Variants in PGRMC2 observed in about 807,000 individuals in gnomAD.
PGRMC2 encodes the protein membrane-associated progesterone receptor component 2.
A neutral mutation model predicts 19.3 loss-of-function variants in PGRMC2; 9 were observed. The ratio of observed to expected loss-of-function variants is 0.47; its 90% CI spans 0.28 to 0.81. PGRMC2 has a LOEUF of 0.81. Ranked by LOEUF, PGRMC2 falls within the 40% of genes least tolerant of loss-of-function variation. The pLI, the probability that PGRMC2 is intolerant of heterozygous loss-of-function variation, is 0.11. For missense variants in PGRMC2, 289 were observed against 297.3 expected (o/e 0.97, Z 0.21); for synonymous variants, 157 against 124.6 (o/e 1.26, Z -1.73).
rs747302016 is a variant in PGRMC2, at chr4:128,280,352, G to GAAAAAAAAAAAAAAAAAAAAA, written c.418+7020_418+7021insTTTTTTTTTTTTTTTTTTTTT. On this transcript the variant is annotated intron_variant, in intron 1 of 2. Coordinates refer to ENST00000296425, the MANE Select transcript of PGRMC2 (RefSeq NM_006320.6). ...GCAATAAGTAACAGCAAATTTTCTGGGAAAAAAAAAAAAAAAAAAAAAAGG... is the reference window on the plus strand; with the variant it reads ...GCAATAAGTAACAGCAAATTTTCTGGAAAAAAAAAAAAAAAAAAAAAGAAAAAAAAAAAAAAAAAAAAAAGG... Among the ~76,000 whole-genome samples, 2 of 60,538 alleles carry GAAAAAAAAAAAAAAAAAAAAA rather than the reference G, an allele frequency of 3.3e-5. 1 individual carries two copies. The highest frequency in any genetic ancestry group is 5.9e-5 in the Non-Finnish European group (2 of 33,678). 39.7% of individuals were successfully genotyped at this position (60,538 alleles called of 152,430 possible).
intron 1 of PGRMC2, among the ~76,000 whole-genome samples, chr4:128,273,971 T>C (rs1760769255): frequency 6.6e-6 from 1 of 152,238 alleles, no homozygotes; most frequent in South Asian, 2.1e-4. Flanking sequence ...ATTTGTATTC[T>C]GCTTTTCTTA....
chr4:128,287,540 G>A lies in PGRMC2; in HGVS notation c.251C>T (p.Ala84Val). The A allele has an allele frequency of 6.5e-7, 1 of 1,544,488 alleles. No homozygotes were observed. Among genetic ancestry groups the A allele is most frequent in the Non-Finnish European group, 8.7e-7 (1 of 1,143,452 alleles). ...RWGRRGLGAGAGAGEESPATS... is the reference protein window; with the variant it reads ...RWGRRGLGAGVGAGEESPATS... ...GGCGGGGCTCTCCTCGCCCGCCCCG[G>A]CCCCGGCCCCCAGACCCCGCCGCCC... is the stretch of plus-strand genomic sequence containing the variant. Residue 84 changes from alanine to valine, a missense_variant, in exon 1 of 3, where the codon GCC (alanine) becomes GTC (valine). Coordinates refer to ENST00000296425, the MANE Select transcript of PGRMC2 (RefSeq NM_006320.6).
intron 1 of PGRMC2, among the ~76,000 whole-genome samples, chr4:128,275,263 T>C (rs1473707802): frequency 6.6e-6 from 1 of 152,096 alleles, no homozygotes; most frequent in African/African-American, 2.4e-5. Flanking sequence ...GTATAAGCCA[T>C]AAAACACATT....
chr4:128,285,574 T>C (rs1432345828), intron 1 of PGRMC2, among the ~76,000 whole-genome samples: 1 of 152,244 alleles, frequency 6.6e-6, no homozygotes, highest in Admixed American at 6.5e-5. Context: ...AATACTTTGT[T>C]TTCTTCAGTG....
intron 1 of PGRMC2, among the ~76,000 whole-genome samples, chr4:128,277,403 A>G (rs1009871968): frequency 6.6e-6 from 1 of 152,240 alleles, no homozygotes; most frequent in African/African-American, 2.4e-5. Context: ...TGTTTTAAAT[A>G]TTAATTTAAT....
chr4:128,282,973 A>G (rs1187034932), intron 1 of PGRMC2, among the ~76,000 whole-genome samples: 1 of 152,188 alleles, frequency 6.6e-6, no homozygotes, highest in African/African-American at 2.4e-5. Context: ...AGTTGGAAAA[A>G]ATATAGCTTT....
chr4:128,285,805 G>A (rs1223756401), intron 1 of PGRMC2, among the ~76,000 whole-genome samples: 2 of 152,090 alleles, frequency 1.3e-5, no homozygotes, highest in Non-Finnish European at 2.9e-5. Context: ...CTTGTCCCAC[G>A]TGTGCTTAAG....
chr4:128,278,063 C>G (rs1760838601), intron 1 of PGRMC2, among the ~76,000 whole-genome samples: 1 of 152,112 alleles, frequency 6.6e-6, no homozygotes, highest in Non-Finnish European at 1.5e-5. Context: ...GCCTTAACTC[C>G]AGGGTGCATG....
At chr4:128,274,798 A>G (rs1760784168) in intron 1 of PGRMC2, among the ~76,000 whole-genome samples, 1 of 152,246 alleles carries the variant, frequency 6.6e-6, no homozygotes, top group African/African-American at 2.4e-5. Flanking sequence ...TAAAACTAAT[A>G]AAGGCCATAA....
chr4:128,280,765 T>C (rs1760897189), intron 1 of PGRMC2, among the ~76,000 whole-genome samples: 1 of 152,086 alleles, frequency 6.6e-6, no homozygotes, highest in African/African-American at 2.4e-5. Flanking sequence ...GCCTAGCTAA[T>C]TTTTTATATT....
chr4:128,274,233 G>T (rs978199512), intron 1 of PGRMC2, among the ~76,000 whole-genome samples: 3 of 152,078 alleles, frequency 2.0e-5, no homozygotes, highest in Non-Finnish European at 4.4e-5. Context: ...ATTCAAAAGG[G>T]TATTAACCAG....
intron 1 of PGRMC2, among the ~76,000 whole-genome samples, chr4:128,285,092 T>C (rs1162610510): frequency 6.6e-6 from 1 of 152,108 alleles, no homozygotes; most frequent in Non-Finnish European, 1.5e-5. Flanking sequence ...TCAGTGCACA[T>C]ACCATAAAAA....
At chr4:128,281,652 A>G (rs563714559) in intron 1 of PGRMC2, among the ~76,000 whole-genome samples, 1 of 152,336 alleles carries the variant, frequency 6.6e-6, no homozygotes, top group South Asian at 2.1e-4. Flanking sequence ...CATAGTGCTA[A>G]TATTAAATGA....
intron 1 of PGRMC2, among the ~76,000 whole-genome samples, chr4:128,283,043 C>T (rs1347948118): frequency 6.6e-6 from 1 of 152,138 alleles, no homozygotes; most frequent in African/African-American, 2.4e-5. Context: ...CAAGGTTCAA[C>T]AACGCAAAAT....
intron 1 of PGRMC2, among the ~76,000 whole-genome samples, chr4:128,275,469 G>A (rs776662281): frequency 3.3e-5 from 5 of 152,100 alleles, no homozygotes; most frequent in Admixed American, 6.5e-5. Flanking sequence ...GGTACTGGGG[G>A]TAGGGAATGA....
At chr4:128,285,152 GTCTC>G (rs1452344233) in intron 1 of PGRMC2, among the ~76,000 whole-genome samples, 2 of 151,962 alleles carry the variant, frequency 1.3e-5, no homozygotes, top group African/African-American at 4.8e-5. Flanking sequence ...TTTATACCGA[GTCTC>G]TCTCTGTCGC....
Position 128,269,402 on chromosome 4 carries a change from ATAGAT to A in PGRMC2, c.*1909_*1913del, listed in dbSNP as rs1244213816. 6.6e-6 allele frequency: 1 copy of A among 152,190 alleles called. No homozygotes were observed. The highest frequency in any genetic ancestry group is 1.5e-5 in the Non-Finnish European group (1 of 68,034). 9.4% of individuals were successfully genotyped at this position (152,190 alleles called of 1,614,324 possible). On this transcript the variant is annotated 3_prime_UTR_variant, in exon 3 of 3. Transcript: ENST00000296425. Reference sequence around the variant, plus strand: ...CTTTAGGCTTGAATGATTCATATATATAGATATCAGTTTACTACAGAGGACATGTA... The same window carrying A: ...CTTTAGGCTTGAATGATTCATATATAATCAGTTTACTACAGAGGACATGTA...
Position 128,287,678 on chromosome 4 carries a change from C to G in PGRMC2, c.113G>C (p.Gly38Ala). ...PGDAGAAAEG[G>A]GWAAAALALL... ...CGCCAACGCCGCCGCCGCCCAGCCT[C>G]CCCCTTCCGCTGCCGCTCCCGCGTC... The change falls in exon 1 of 3, where the codon GGA becomes GCA. Residue 38 changes from glycine to alanine, a missense_variant. Transcript: ENST00000296425. 1 of 1,532,732 alleles carries G rather than the reference C, an allele frequency of 6.5e-7. No homozygotes were observed. The highest frequency in any genetic ancestry group is 8.8e-7 in the Non-Finnish European group (1 of 1,142,324). The allele number at this position is 1,532,732 out of a possible 1,614,324, so 94.9% of individuals were successfully genotyped here.
In PGRMC2 at chr4:128,287,807, C is replaced by T. The variant is rs1010515517; in HGVS notation, c.-17G>A. 4.6e-6 allele frequency: 7 copies of T among 1,517,214 alleles called. No homozygotes were observed. Among genetic ancestry groups the T allele is most frequent in the Admixed American group, 1.8e-5 (1 of 56,344 alleles). 94.0% of individuals were successfully genotyped at this position (1,517,214 alleles called of 1,614,324 possible). A position where few individuals can be genotyped will look rare whatever the true frequency, so the allele number is the denominator to read the frequency against. On this transcript the variant is annotated 5_prime_UTR_variant, in exon 1 of 3. Transcript: ENST00000296425. ...AGCCGCCATCACTGCCCGCCAGCGC[C>T]TTCCTCCTCCTCCCCGCCCCCTGCC...
Sources: allele counts gnomAD v4.1 joint callset (sites outside exome capture counted in the v4.1 genomes callset), GRCh38; gene constraint gnomAD v4.1.1; transcripts MANE v1.5; gene names NCBI Gene and HGNC (gene_info 2026-07-23, HGNC 2026-07-21).